The following HBS1L variants were observed in gnomAD, a reference collection of about 807,000 sequenced individuals.
The protein encoded by HBS1L is HBS1-like protein.
HBS1L carries 55 observed loss-of-function variants against 88.9 expected under a neutral mutation model. The ratio of observed to expected loss-of-function variants is 0.62; its 90% confidence interval spans 0.50 to 0.77. The LOEUF (loss-of-function observed/expected upper bound fraction) is 0.77. Ranked by LOEUF, HBS1L falls within the 30% of genes least tolerant of loss-of-function variation. HBS1L has a pLI of 0.00. For missense variants in HBS1L, 741 were observed against 829.3 expected (o/e 0.89, Z 1.31); for synonymous variants, 267 against 288.5 (o/e 0.93, Z 0.76).
At chr6:135,004,341 A>C (rs1156991785) in intron 4 of HBS1L, among the ~76,000 whole-genome samples, 2 of 152,050 alleles carry the variant, frequency 1.3e-5, no homozygotes, top group African/African-American at 4.8e-5. Flanking sequence ...ATTTGATGAT[A>C]GGGCACATGA....
intron 15 of HBS1L, among the ~76,000 whole-genome samples, chr6:134,978,396 G>GT (rs1208014085): frequency 6.6e-6 from 1 of 151,882 alleles, no homozygotes; most frequent in African/African-American, 2.4e-5. Context: ...CAGTGAAAAT[G>GT]TGTCTATCAT....
chr6:135,002,806 G>T lies in HBS1L; in HGVS notation c.467C>A (p.Ser156Tyr). ...TTTAGCAACTTTTGGCACAATTTCA[G>T]ATTCACTTCGCGATGTCTGGGAATC... Reference protein sequence around the residue: ...PVDSQTSRSESEIVPKVAKMT... With the variant: ...PVDSQTSRSEYEIVPKVAKMT... The change falls in exon 5 of 18, where the codon TCT becomes TAT. Residue 156 changes from serine (S) to tyrosine (Y), a missense_variant. Transcript: ENST00000367837. 6.2e-7 allele frequency: 1 copy of T among 1,613,142 alleles called. No individual in the cohort carries two copies. The highest frequency in any genetic ancestry group is 1.1e-5 in the South Asian group (1 of 91,032).
intron 2 of HBS1L, among the ~76,000 whole-genome samples, chr6:135,043,476 G>C (rs754802197): frequency 6.6e-6 from 1 of 152,204 alleles, no homozygotes; most frequent in Non-Finnish European, 1.5e-5. Context: ...TATAGATAAT[G>C]CATAGAACAT....
intron 1 of HBS1L, among the ~76,000 whole-genome samples, chr6:135,053,288 C>T (rs1777144960): frequency 6.6e-6 from 1 of 152,150 alleles, no homozygotes; most frequent in Admixed American, 6.6e-5. Context: ...ATTTTTCATA[C>T]TCTAATAATC....
intron 1 of HBS1L, 85 bp from the exon 2 acceptor site, chr6:135,050,732 C>A: frequency 1.3e-6 from 1 of 789,202 alleles, no homozygotes; most frequent in East Asian, 2.8e-5. Flanking sequence ...TGAATCCTCT[C>A]CAAAATAAAC....
chr6:135,003,460 G>A (rs776326927), intron 4 of HBS1L, among the ~76,000 whole-genome samples: 4 of 151,714 alleles, frequency 2.6e-5, no homozygotes, highest in South Asian at 2.1e-4. Context: ...CCAGCTACTC[G>A]AGAGGCTAAG....
intron 4 of HBS1L, among the ~76,000 whole-genome samples, chr6:135,021,606 A>T (rs2114856699): frequency 6.6e-6 from 1 of 152,282 alleles, no homozygotes; most frequent in Non-Finnish European, 1.5e-5. Flanking sequence ...CTTACTAATG[A>T]TAAAGCTGGT....
chr6:135,022,165 C>T (rs761534260), intron 4 of HBS1L, among the ~76,000 whole-genome samples: 5 of 152,024 alleles, frequency 3.3e-5, no homozygotes, highest in Non-Finnish European at 5.9e-5. Flanking sequence ...TTTATTTGTC[C>T]TCTCCCTTCA....
intron 4 of HBS1L, among the ~76,000 whole-genome samples, chr6:135,025,198 CT>C (rs1412073116): frequency 6.6e-6 from 1 of 152,154 alleles, no homozygotes; most frequent in East Asian, 1.9e-4. Flanking sequence ...GAAAACTGTA[CT>C]TTCAAAAAAG....
At chr6:134,969,656 A>G (rs528204296) in intron 15 of HBS1L, among the ~76,000 whole-genome samples, 31 of 152,360 alleles carry the variant, frequency 2.0e-4, no homozygotes, top group Admixed American at 7.8e-4. Context: ...AAGATTAAGT[A>G]AGAGAATTCG....
chr6:134,976,935 GA>G (rs1404106620), intron 15 of HBS1L, among the ~76,000 whole-genome samples: 1 of 151,736 alleles, frequency 6.6e-6, no homozygotes, highest in Non-Finnish European at 1.5e-5. Context: ...AAAAACAAAG[GA>G]AAAAATTACT....
At chr6:135,021,338 T>C (rs1776065770) in intron 4 of HBS1L, among the ~76,000 whole-genome samples, 1 of 152,054 alleles carries the variant, frequency 6.6e-6, no homozygotes, top group African/African-American at 2.4e-5. Flanking sequence ...ACAATATTAT[T>C]TAAGCTGGTA....
chr6:135,002,006 G>A (rs995437580), intron 5 of HBS1L, among the ~76,000 whole-genome samples: 1 of 151,646 alleles, frequency 6.6e-6, no homozygotes, highest in Non-Finnish European at 1.5e-5. Context: ...AAAACCTATT[G>A]TTTATATTTG....
intron 5 of HBS1L, among the ~76,000 whole-genome samples, chr6:135,001,827 T>C (rs1775467150): frequency 6.6e-6 from 1 of 151,836 alleles, no homozygotes; most frequent in Non-Finnish European, 1.5e-5. Context: ...ATAAACATTC[T>C]TCCCAACCAA....
In HBS1L at chr6:134,969,305, C is replaced by A. The variant is rs36025561; in HGVS notation, c.1831G>T (p.Ala611Ser). ...ACACTAATCAATCGTTTAATAACGGCGGGTTCACTGACAGTTTGGTAGTGT... is the reference window on the plus strand; with the variant it reads ...ACACTAATCAATCGTTTAATAACGGAGGGTTCACTGACAGTTTGGTAGTGT... ...LLHYQTVSEP[A>S]VIKRLISVLN... The change falls in exon 16 of 18, where the codon GCC (alanine) becomes TCC (serine). Residue 611 changes from alanine to serine, a missense_variant. This residue lies in a region of HBS1L where 181 missense variants were observed against 212.7 expected (regional missense o/e 0.85). Coordinates refer to ENST00000367837, the MANE Select transcript of HBS1L (RefSeq NM_006620.4). 3.1e-6 allele frequency: 5 copies of A among 1,613,544 alleles called. No homozygotes were observed. In the African/African-American group the frequency reaches 5.3e-5, roughly 17 times the overall value.
At chr6:134,989,320 A>G (rs1775067058) in intron 8 of HBS1L, among the ~76,000 whole-genome samples, 1 of 152,038 alleles carries the variant, frequency 6.6e-6, no homozygotes, top group Admixed American at 6.6e-5. Flanking sequence ...ATAGAAATCC[A>G]CTTTTCTGAA....
At chr6:135,007,463 G>A (rs907847994) in intron 4 of HBS1L, among the ~76,000 whole-genome samples, 7 of 152,048 alleles carry the variant, frequency 4.6e-5, no homozygotes, top group African/African-American at 1.4e-4. Flanking sequence ...AGATAACCAT[G>A]GCTAAGGCTA....
intron 3 of HBS1L, among the ~76,000 whole-genome samples, chr6:135,039,993 C>A (rs1776680294): frequency 6.6e-6 from 1 of 152,194 alleles, no homozygotes; most frequent in South Asian, 2.1e-4. Context: ...TAAAATGTCT[C>A]CTGAATAATA....
intron 8 of HBS1L, among the ~76,000 whole-genome samples, chr6:134,990,951 A>C (rs1016133717): frequency 1.3e-5 from 2 of 152,066 alleles, no homozygotes; most frequent in Non-Finnish European, 2.9e-5. Context: ...CGCCCATTAA[A>C]CTATCAGTGC....
Sources: gnomAD v4.1 joint callset for allele counts (sites outside exome capture counted in the v4.1 genomes callset) on GRCh38, gnomAD v4.1.1 for gene constraint, gnomAD v4.1.1 regional missense constraint, MANE v1.5 for transcripts, NCBI Gene and HGNC (gene_info 2026-07-23, HGNC 2026-07-21) for gene names.